Variants in ITFG1 observed in about 807,000 individuals in gnomAD.
The protein encoded by ITFG1 is T-cell immunomodulatory protein.
Under a neutral mutation model 81.8 loss-of-function variants are expected in ITFG1, and 34 were observed. The ratio of observed to expected loss-of-function variants is 0.42; its 90% CI spans 0.32 to 0.55. ITFG1 has a LOEUF of 0.55. Among genes scored for constraint, ITFG1 ranks in the 20% least tolerant of loss-of-function variants. The probability of loss-of-function intolerance (pLI) is 0.17; values close to 1 mark genes in which losing one functional copy is unlikely to be tolerated. For synonymous variants in ITFG1, 285 were observed against 270.6 expected (o/e 1.05, Z -0.52); for missense variants, 672 against 755.4 (o/e 0.89, Z 1.29).
intron 14 of ITFG1, among the ~76,000 whole-genome samples, chr16:47,195,761 A>T (rs1965350219): frequency 6.6e-6 from 1 of 152,002 alleles, no homozygotes; most frequent in African/African-American, 2.4e-5. Context: ...CTAAAAAACA[A>T]AACAAAATGG....
chr16:47,300,372 C>A (rs1390515440), intron 10 of ITFG1, among the ~76,000 whole-genome samples: 1 of 152,180 alleles, frequency 6.6e-6, no homozygotes, highest in Admixed American at 6.5e-5. Flanking sequence ...CCATCCCTAC[C>A]ACTTGGTCAC....
At chr16:47,262,656 T>C (rs1202976587) in intron 10 of ITFG1, 1 of 152,266 alleles carries the variant, frequency 6.6e-6, no homozygotes. Context: ...AAAAACCCTT[T>C]TGCAGTCATG....
At position 47,198,227 on chromosome 16, in the gene ITFG1, G is replaced by A. The variant is rs143702824; in HGVS notation, c.1453+20641C>T. 7.8e-3 allele frequency among the ~76,000 whole-genome samples: 1,190 copies of A among 152,248 alleles called. 19 individuals are homozygous for A. The highest frequency in any genetic ancestry group is 0.026 in the African/African-American group (1,071 of 41,544). Reference sequence around the variant, plus strand: ...AATATTAGTTCCCAGCTTTGCCAGCGTATTAGAATGCCACATCAAATTACC... The same window carrying A: ...AATATTAGTTCCCAGCTTTGCCAGCATATTAGAATGCCACATCAAATTACC... On this transcript the variant is annotated intron_variant, in intron 14 of 17. Transcript: ENST00000320640.
intron 6 of ITFG1, among the ~76,000 whole-genome samples, chr16:47,379,830 G>C (rs1392223319): frequency 6.6e-6 from 1 of 151,980 alleles, no homozygotes; most frequent in East Asian, 1.9e-4. Flanking sequence ...CTGCTGTCTT[G>C]CAATAGTATT....
At chr16:47,408,655 C>T (rs917129575) in intron 6 of ITFG1, among the ~76,000 whole-genome samples, 1 of 151,996 alleles carries the variant, frequency 6.6e-6, no homozygotes, top group Non-Finnish European at 1.5e-5. Flanking sequence ...AGGCGTGGTG[C>T]TCAGAGAGAC....
intron 10 of ITFG1, among the ~76,000 whole-genome samples, chr16:47,270,094 A>G (rs1016630759): frequency 3.9e-5 from 6 of 152,198 alleles, no homozygotes; most frequent in Non-Finnish European, 8.8e-5. Flanking sequence ...TGGATCACAG[A>G]CCTAAATTGT....
At chr16:47,357,476 G>C (rs367878001) in intron 8 of ITFG1, among the ~76,000 whole-genome samples, 4 of 151,842 alleles carry the variant, frequency 2.6e-5, no homozygotes, top group East Asian at 3.9e-4. Context: ...TTAGCCGGGC[G>C]TGGTGGTGGG....
chr16:47,281,043 C>T (rs1387316931), intron 10 of ITFG1, among the ~76,000 whole-genome samples: 1 of 152,106 alleles, frequency 6.6e-6, no homozygotes, highest in African/African-American at 2.4e-5. Flanking sequence ...TTTGGTGAGT[C>T]TTACTAGCAC....
chr16:47,422,943 C>T (rs988454397), intron 6 of ITFG1, among the ~76,000 whole-genome samples: 2 of 152,310 alleles, frequency 1.3e-5, no homozygotes, highest in Middle Eastern at 3.4e-3. Flanking sequence ...ATTAGGTCCG[C>T]TTGGTCCAGA....
chr16:47,219,451 C>A (rs1484546343), intron 13 of ITFG1, among the ~76,000 whole-genome samples: 1 of 152,098 alleles, frequency 6.6e-6, no homozygotes, highest in Non-Finnish European at 1.5e-5. Context: ...ATTGACAGTG[C>A]CTCAGTTACA....
At chr16:47,349,586 C>A (rs1378310833) in intron 8 of ITFG1, among the ~76,000 whole-genome samples, 1 of 152,164 alleles carries the variant, frequency 6.6e-6, no homozygotes, top group East Asian at 1.9e-4. Context: ...TACACAGAGA[C>A]TTAGACTCCC....
chr16:47,296,357 T>A (rs1358220498), intron 10 of ITFG1, among the ~76,000 whole-genome samples: 2 of 152,060 alleles, frequency 1.3e-5, no homozygotes, highest in African/African-American at 4.8e-5. Flanking sequence ...TTCAAAAAAA[T>A]TTTAATTTCC....
At chr16:47,418,795 G>A (rs188806799) in intron 6 of ITFG1, among the ~76,000 whole-genome samples, 1 of 152,174 alleles carries the variant, frequency 6.6e-6, no homozygotes, top group African/African-American at 2.4e-5. Flanking sequence ...TGTAGTATAT[G>A]TCTGTAGCAC....
intron 14 of ITFG1, chr16:47,196,193 A>C (rs1024962317): frequency 6.7e-6 from 1 of 149,158 alleles, no homozygotes; most frequent in East Asian, 1.9e-4. Context: ...AATGATATGC[A>C]TAAGTGTAGT....
intron 10 of ITFG1, among the ~76,000 whole-genome samples, chr16:47,277,855 T>C (rs1966414283): frequency 6.6e-6 from 1 of 152,232 alleles, no homozygotes; most frequent in South Asian, 2.1e-4. Context: ...CTGTGTGTGA[T>C]ATGCCAGCAC....
chr16:47,234,797 A>G (rs1387882534), intron 13 of ITFG1, among the ~76,000 whole-genome samples: 2 of 152,178 alleles, frequency 1.3e-5, no homozygotes, highest in Non-Finnish European at 2.9e-5. Context: ...TCTCACATTG[A>G]ATTGTAATCC....
rs2151618580 is a variant in ITFG1 at position 47,451,456 on chromosome 16, A to C, written c.500T>G (p.Leu167Arg). The change falls in exon 5 of 18, where the codon CTA becomes CGA. Residue 167 changes from leucine (L) to arginine (R), a missense_variant. Around this residue, in one of 3 missense-constraint regions of ITFG1, gnomAD observed 560 missense variants for 625.7 expected, o/e 0.90. Transcript: ENST00000320640. ...EPLIMDFNGD[L>R]IPDIFGITNE... ...TGTGATACCAAAAATATCAGGAATT[A>C]GATCACCATTGAAACTGAAAAAAAA... is the stretch of plus-strand genomic sequence containing the variant. 3 of 1,570,676 alleles carry C rather than the reference A, an allele frequency of 1.9e-6. No individual in the cohort carries two copies. The East Asian group carries it at 6.7e-5, about 35-fold the overall frequency.
chr16:47,180,273 A>AAC (rs1965089413), intron 14 of ITFG1, among the ~76,000 whole-genome samples: 1 of 151,490 alleles, frequency 6.6e-6, no homozygotes, highest in Non-Finnish European at 1.5e-5. Context: ...GGCTTTGAAT[A>AAC]ACAACATGAT....
At chr16:47,158,799 G>C in intron 17 of ITFG1, 74 bp downstream of exon 17, 1 of 670,050 alleles carries the variant, frequency 1.5e-6, no homozygotes, top group Non-Finnish European at 2.6e-6. Context: ...AATAAATATA[G>C]TGTTTTTAAA....
Sources: gnomAD v4.1 joint callset for allele counts (sites outside exome capture counted in the v4.1 genomes callset) on GRCh38, gnomAD v4.1.1 for gene constraint, gnomAD v4.1.1 regional missense constraint, MANE v1.5 for transcripts, NCBI Gene and HGNC (gene_info 2026-07-23, HGNC 2026-07-21) for gene names.